ARB2A: variants seen among roughly 807,000 people sequenced by gnomAD.
ARB2A encodes the protein cotranscriptional regulator ARB2A.
At chr5:94,079,375 G>C in the ARB2A span, among the ~76,000 whole-genome samples, 2 of 152,112 alleles carry the variant, frequency 1.3e-5, no homozygotes, top group Admixed American at 6.6e-5. Flanking sequence ...ATCTGATTAG[G>C]TCATTGCCAC....
chr5:94,066,027 T>A, the ARB2A span, among the ~76,000 whole-genome samples: 409 of 152,056 alleles, frequency 2.7e-3, 1 homozygote, highest in Non-Finnish European at 4.3e-3. Flanking sequence ...ATATCATGTA[T>A]GAAATCAATA....
At chr5:93,658,308 T>A in the ARB2A span, among the ~76,000 whole-genome samples, 3 of 152,234 alleles carry the variant, frequency 2.0e-5, no homozygotes, top group East Asian at 5.8e-4. Context: ...GATTTTTCCA[T>A]CTTTGGTCAT....
the ARB2A span, among the ~76,000 whole-genome samples, chr5:93,874,783 T>C: frequency 1.3e-5 from 2 of 152,052 alleles, no homozygotes; most frequent in Admixed American, 1.3e-4. Flanking sequence ...TAGAACTGAA[T>C]TGAACTACTG....
At chr5:94,036,128 T>C in the ARB2A span, among the ~76,000 whole-genome samples, 2 of 152,202 alleles carry the variant, frequency 1.3e-5, no homozygotes, top group African/African-American at 2.4e-5. Context: ...CTATTCCAAA[T>C]ATTTGAAGTA....
the ARB2A span, among the ~76,000 whole-genome samples, chr5:94,012,626 A>G: frequency 6.6e-6 from 1 of 152,212 alleles, no homozygotes. Flanking sequence ...CAGGTACATC[A>G]GGGAGCGACT....
At chr5:93,682,761 A>C in the ARB2A span, 1 of 798,044 alleles carries the variant, frequency 1.3e-6, no homozygotes, top group Admixed American at 1.8e-5. Flanking sequence ...CATTATAAAA[A>C]GGACAGCCAG....
At chr5:93,654,224 G>A in the ARB2A span, among the ~76,000 whole-genome samples, 1 of 152,058 alleles carries the variant, frequency 6.6e-6, no homozygotes, top group South Asian at 2.1e-4. Context: ...GTTTTCCAGT[G>A]GCCACCAGAA....
chr5:93,996,826 A>C, the ARB2A span, among the ~76,000 whole-genome samples: 1 of 152,056 alleles, frequency 6.6e-6, no homozygotes, highest in Non-Finnish European at 1.5e-5. Flanking sequence ...GACAATTACA[A>C]TTCTTAATCT....
At chr5:93,928,316 G>A in the ARB2A span, among the ~76,000 whole-genome samples, 1 of 152,128 alleles carries the variant, frequency 6.6e-6, no homozygotes, top group Non-Finnish European at 1.5e-5. Flanking sequence ...TACCCTGAAT[G>A]TCTAACGGAC....
the ARB2A span, among the ~76,000 whole-genome samples, chr5:93,984,420 A>C: frequency 6.6e-6 from 1 of 152,334 alleles, no homozygotes; most frequent in East Asian, 1.9e-4. Flanking sequence ...AAAAGACTTT[A>C]ATTTCTTAAA....
the ARB2A span, among the ~76,000 whole-genome samples, chr5:94,023,079 CTGAT>C: frequency 8.2e-4 from 125 of 152,324 alleles, no homozygotes; most frequent in African/African-American, 3.0e-3. Flanking sequence ...AACCAAGAAA[CTGAT>C]TATACCTTTA....
At chr5:93,730,976 T>C in the ARB2A span, among the ~76,000 whole-genome samples, 2 of 152,198 alleles carry the variant, frequency 1.3e-5, no homozygotes, top group African/African-American at 4.8e-5. Context: ...AATGGTGGTA[T>C]TATTTGAATG....
At chr5:93,846,834 GA>G in the ARB2A span, among the ~76,000 whole-genome samples, 3 of 152,120 alleles carry the variant, frequency 2.0e-5, no homozygotes, top group Non-Finnish European at 1.5e-5. Flanking sequence ...ACTGATCAGG[GA>G]GGTGGTTGCT....
chr5:93,835,775 T>C, the ARB2A span, among the ~76,000 whole-genome samples: 3 of 152,318 alleles, frequency 2.0e-5, no homozygotes, highest in South Asian at 4.1e-4. Flanking sequence ...GCCCTTAGTA[T>C]TGCCATTGAT....
At chr5:93,777,411 A>C in the ARB2A span, among the ~76,000 whole-genome samples, 4 of 152,198 alleles carry the variant, frequency 2.6e-5, no homozygotes, top group Non-Finnish European at 5.9e-5. Context: ...TAACGATGTA[A>C]GGTAACGATT....
the ARB2A span, among the ~76,000 whole-genome samples, chr5:93,782,285 T>G: frequency 6.6e-6 from 1 of 152,284 alleles, no homozygotes; most frequent in Non-Finnish European, 1.5e-5. Flanking sequence ...CTTTCATCCT[T>G]GATTATCACC....
chr5:93,893,846 T>C, the ARB2A span, among the ~76,000 whole-genome samples: 2 of 152,146 alleles, frequency 1.3e-5, no homozygotes, highest in Non-Finnish European at 2.9e-5. Flanking sequence ...TTGTATCATA[T>C]AGTTTGGGCC....
chr5:93,933,764 C>T, the ARB2A span, among the ~76,000 whole-genome samples: 2 of 152,052 alleles, frequency 1.3e-5, no homozygotes, highest in African/African-American at 2.4e-5. Context: ...AACAAACCTG[C>T]ATGTTCCGCA....
the ARB2A span, among the ~76,000 whole-genome samples, chr5:93,942,056 A>G: frequency 6.6e-6 from 1 of 152,184 alleles, no homozygotes; most frequent in Non-Finnish European, 1.5e-5. Flanking sequence ...AAAACTGAAC[A>G]TAGTTTCTCC....
Sources: allele counts gnomAD v4.1 joint callset (sites outside exome capture counted in the v4.1 genomes callset), GRCh38; gene constraint gnomAD v4.1.1; transcripts MANE v1.5; gene names NCBI Gene and HGNC (gene_info 2026-07-23, HGNC 2026-07-21).